The following CSF1R variants were observed in gnomAD, a reference collection of about 807,000 sequenced individuals.
CSF1R encodes the protein macrophage colony-stimulating factor 1 receptor.
In CSF1R, 40 loss-of-function variants were observed where a neutral mutation model predicts 110.0. The ratio of observed to expected loss-of-function variants is 0.36; its 90% confidence interval spans 0.28 to 0.47. The LOEUF (loss-of-function observed/expected upper bound fraction) is 0.47. CSF1R is among the 20% of genes least tolerant of loss of function. CSF1R has a pLI of 0.99. For missense variants in CSF1R, 1,052 were observed against 1,253.0 expected, an observed-to-expected ratio of 0.84 and a Z score of 2.42; for synonymous variants, 523 against 503.4, an observed-to-expected ratio of 1.04 and a Z score of -0.52.
In CSF1R at chr5:150,085,586, T is replaced by C. The variant is rs192318967; in HGVS notation, c.49+793A>G. ...GCAGAACTGCTACAGCCTGGGGACC[T>C]CCTGAGACTTGGCAGCCTGTGTCTG... On this transcript the variant is annotated intron_variant, in intron 1 of 20. Transcript: ENST00000675795. Among the ~76,000 whole-genome samples the C allele has an allele frequency of 4.1e-4, 62 of 152,216 alleles. No individual in the cohort carries two copies. In the East Asian group the frequency reaches 0.011, roughly 28 times the overall value.
intron 13 of CSF1R, 72 bp from the exon 14 acceptor site, chr5:150,059,934 G>T: frequency 6.6e-7 from 1 of 1,516,130 alleles, no homozygotes; most frequent in Middle Eastern, 2.4e-4. Context: ...CATGAGACTG[G>T]GGGCAGTGAG....
At chr5:150,099,809 G>A (rs770217666) in intron 1 of CSF1R, among the ~76,000 whole-genome samples, 1 of 152,012 alleles carries the variant, frequency 6.6e-6, no homozygotes, top group Non-Finnish European at 1.5e-5. Flanking sequence ...TGATAAACAT[G>A]ACTATATACA....
chr5:150,075,565 TTGG>T (rs1414248903), intron 5 of CSF1R, among the ~76,000 whole-genome samples: 1 of 152,258 alleles, frequency 6.6e-6, no homozygotes, highest in Non-Finnish European at 1.5e-5. Context: ...GAGATCTTCC[TTGG>T]TGAACACCCT....
In CSF1R at chr5:150,054,170, T is replaced by TGCTGCTGCTGCCGCTGCC. The variant is rs1175811621; in HGVS notation, c.2800_2817dup (p.Gly934_Ser939dup). Reference sequence around the variant, plus strand: ...CTAGAGCTCTCCTCCTCCAGCTCACTGCTGCTGCTGCCGCTGCCACCGCTT... The same window carrying TGCTGCTGCTGCCGCTGCC: ...CTAGAGCTCTCCTCCTCCAGCTCACTGCTGCTGCTGCCGCTGCCGCTGCTGCTGCCGCTGCCACCGCTT... On this transcript the variant is annotated inframe_insertion, in exon 21 of 21. Transcript: ENST00000675795. 1.2e-6 allele frequency: 2 copies of TGCTGCTGCTGCCGCTGCC among 1,611,248 alleles called. No homozygotes were observed. The highest frequency in any genetic ancestry group is 1.3e-5 in the African/African-American group (1 of 74,842).
intron 1 of CSF1R, chr5:150,094,513 T>G: frequency 6.3e-7 from 1 of 1,599,956 alleles, no homozygotes; most frequent in East Asian, 2.2e-5. Flanking sequence ...GAAATTCGAA[T>G]GGCGAGGATG....
chr5:150,100,622 G>A (rs79818661), intron 1 of CSF1R, among the ~76,000 whole-genome samples: 5,820 of 152,114 alleles, frequency 0.038, 155 homozygotes, highest in Non-Finnish European at 0.059. Context: ...ATACACTGCT[G>A]GTAAGGGTAT....
chr5:150,073,535 A>C, intron 5 of CSF1R, 42 bp from the exon 6 acceptor site: 4 of 1,586,674 alleles, frequency 2.5e-6, no homozygotes, highest in Non-Finnish European at 3.4e-6. Flanking sequence ...TAGTGGGAAG[A>C]TGTCCTTGTT....
At chr5:150,106,795 T>C (rs982991430) in intron 1 of CSF1R, among the ~76,000 whole-genome samples, 1 of 152,174 alleles carries the variant, frequency 6.6e-6, no homozygotes, top group African/African-American at 2.4e-5. Flanking sequence ...CCACACTCCT[T>C]CTTCCTGTTC....
At chr5:150,088,300 C>T (rs10055330), upstream of CSF1R, among the ~76,000 whole-genome samples, 8,474 of 152,136 alleles carry the variant, frequency 0.056, 740 homozygotes, top group African/African-American at 0.19. Context: ...AAAAACCTCC[C>T]GACAAAGCAA....
At chr5:150,054,697 C>A in intron 19 of CSF1R, 1 of 424,134 alleles carries the variant, frequency 2.4e-6, no homozygotes, top group South Asian at 4.4e-5. Flanking sequence ...TCTTAAAAGT[C>A]TGTTTAGGGA....
At chr5:150,088,094 A>G (rs1561951478), upstream of CSF1R, among the ~76,000 whole-genome samples, 1 of 152,118 alleles carries the variant, frequency 6.6e-6, no homozygotes, top group East Asian at 1.9e-4. Flanking sequence ...GAAAATGATC[A>G]TTCCCGTGTA....
chr5:150,084,099 C>T (rs13172085), intron 1 of CSF1R, among the ~76,000 whole-genome samples: 5 of 151,838 alleles, frequency 3.3e-5, no homozygotes, highest in Admixed American at 6.6e-5. Flanking sequence ...CACTTTGGGA[C>T]GCCAAGGCAG....
chr5:150,058,354 T>C, intron 14 of CSF1R: 2 of 456,216 alleles, frequency 4.4e-6, no homozygotes, highest in Non-Finnish European at 8.8e-6. Flanking sequence ...TCCAGCCAGA[T>C]AGGATTTCTC....
intron 1 of CSF1R, among the ~76,000 whole-genome samples, chr5:150,084,847 G>C (rs965828747): frequency 2.0e-5 from 3 of 152,212 alleles, no homozygotes; most frequent in African/African-American, 7.2e-5. Context: ...TGGGTGTAAG[G>C]ATAGGACAAG....
At chr5:150,090,049 A>C (rs992274834), upstream of CSF1R, among the ~76,000 whole-genome samples, 1 of 152,208 alleles carries the variant, frequency 6.6e-6, no homozygotes, top group African/African-American at 2.4e-5. Flanking sequence ...AAAGACCTAA[A>C]TATAAAAGCT....
chr5:150,053,928 C>T lies in CSF1R; in HGVS notation c.*141G>A, dbSNP rs1214412732. 7.0e-6 allele frequency: 6 copies of T among 853,916 alleles called. No homozygotes were observed. The highest frequency in any genetic ancestry group is 9.2e-6 in the Non-Finnish European group (5 of 541,590). The allele number at this position is 853,916 out of a possible 1,614,324, so 52.9% of individuals were successfully genotyped here. A position where few individuals can be genotyped will look rare whatever the true frequency, so the allele number is the denominator to read the frequency against. ...CCTCTGACCTCCCCTGAATCCCTCA[C>T]CTTCCCAAGTTTCAGAGCTGGGCCG... On this transcript the variant is annotated 3_prime_UTR_variant, in exon 21 of 21. Coordinates refer to ENST00000675795, the MANE Select transcript of CSF1R (RefSeq NM_001288705.3).
chr5:150,102,583 G>A lies in CSF1R; in HGVS notation c.-181+10678C>T, dbSNP rs142719718. ...CAACCTCTGACTCCCAGGTTCAAGCGATTCTCCTGCCTCAGCCTCCCGAGT... is the reference window on the plus strand; with the variant it reads ...CAACCTCTGACTCCCAGGTTCAAGCAATTCTCCTGCCTCAGCCTCCCGAGT... On this transcript the variant is annotated intron_variant, in intron 1 of 21. Transcript: ENST00000286301. 5.5e-3 allele frequency among the ~76,000 whole-genome samples: 841 copies of A among 152,212 alleles called. 5 individuals are homozygous for A. Among genetic ancestry groups the A allele is most frequent in the African/African-American group, 0.019 (796 of 41,522 alleles).
At chr5:150,088,392 T>C (rs1363747100), upstream of CSF1R, among the ~76,000 whole-genome samples, 4 of 152,218 alleles carry the variant, frequency 2.6e-5, no homozygotes, top group African/African-American at 9.6e-5. Context: ...CAACTCATTC[T>C]ATGAAGCCAG....
intron 1 of CSF1R, among the ~76,000 whole-genome samples, chr5:150,101,905 A>G (rs1380043711): frequency 6.6e-6 from 1 of 152,078 alleles, no homozygotes; most frequent in African/African-American, 2.4e-5. Context: ...ATAGTATCCT[A>G]TGCTATTTAA....
Sources: allele counts gnomAD v4.1 joint callset (sites outside exome capture counted in the v4.1 genomes callset), GRCh38; gene constraint gnomAD v4.1.1; transcripts MANE v1.5; gene names NCBI Gene and HGNC (gene_info 2026-07-23, HGNC 2026-07-21).